The following CDKAL1 variants were observed in gnomAD, a reference collection of about 807,000 sequenced individuals.
CDKAL1 encodes CDKAL1 threonylcarbamoyladenosine tRNA methylthiotransferase.
In CDKAL1, 32 loss-of-function variants were observed where a neutral mutation model predicts 68.2. The ratio of observed to expected loss-of-function variants is 0.47; its 90% CI spans 0.35 to 0.63. The LOEUF (loss-of-function observed/expected upper bound fraction) is 0.63, where lower values mean the gene tolerates loss of function less well. Among genes scored for constraint, CDKAL1 ranks in the 30% least tolerant of loss-of-function variants. The pLI, the probability that CDKAL1 is intolerant of heterozygous loss-of-function variation, is 0.00. For missense variants in CDKAL1, 606 were observed against 696.7 expected, an observed-to-expected ratio of 0.87 and a Z score of 1.47; for synonymous variants, 234 against 244.3, an observed-to-expected ratio of 0.96 and a Z score of 0.39.
intron 13 of CDKAL1, among the ~76,000 whole-genome samples, chr6:21,143,169 A>G (rs1163482346): frequency 6.6e-6 from 1 of 152,216 alleles, no homozygotes; most frequent in African/African-American, 2.4e-5. Context: ...GTCATATTTC[A>G]CCTCTTAGAA....
chr6:21,031,730 A>G (rs1283667801), intron 11 of CDKAL1, among the ~76,000 whole-genome samples: 1 of 151,906 alleles, frequency 6.6e-6, no homozygotes, highest in Admixed American at 6.6e-5. Context: ...CTTTAGAGGT[A>G]CCCTTTACTT....
chr6:20,910,475 G>C (rs187136853), intron 9 of CDKAL1, among the ~76,000 whole-genome samples: 2 of 152,308 alleles, frequency 1.3e-5, no homozygotes, highest in East Asian at 1.9e-4. Flanking sequence ...TTCCTGTGGA[G>C]AAAATAGATT....
At chr6:21,214,565 C>T (rs1265500431) in intron 15 of CDKAL1, among the ~76,000 whole-genome samples, 1 of 151,862 alleles carries the variant, frequency 6.6e-6, no homozygotes, top group African/African-American at 2.4e-5. Context: ...CTTAGATGTC[C>T]CTGGTACATA....
chr6:20,969,434 GGAA>G (rs1765483348), intron 10 of CDKAL1, among the ~76,000 whole-genome samples: 1 of 152,132 alleles, frequency 6.6e-6, no homozygotes, highest in Non-Finnish European at 1.5e-5. Context: ...CTGAGGAGGA[GGAA>G]GAAGAGGAGC....
intron 13 of CDKAL1, among the ~76,000 whole-genome samples, chr6:21,140,133 A>G (rs1775823635): frequency 6.6e-6 from 1 of 152,230 alleles, no homozygotes; most frequent in South Asian, 2.1e-4. Context: ...TGAAACATGA[A>G]TGATACACTG....
chr6:20,579,840 G>T (rs1765069206), intron 4 of CDKAL1, among the ~76,000 whole-genome samples: 1 of 152,188 alleles, frequency 6.6e-6, no homozygotes, highest in South Asian at 2.1e-4. Flanking sequence ...TAGCAACTGG[G>T]ACTTTGATAA....
At chr6:20,982,451 G>C (rs907412682) in intron 10 of CDKAL1, among the ~76,000 whole-genome samples, 2 of 151,994 alleles carry the variant, frequency 1.3e-5, no homozygotes, top group African/African-American at 2.4e-5. Flanking sequence ...TCTTTAGCCA[G>C]GTTAACATAA....
At chr6:20,876,567 CT>C (rs1380454366) in intron 9 of CDKAL1, among the ~76,000 whole-genome samples, 4 of 152,022 alleles carry the variant, frequency 2.6e-5, no homozygotes, top group African/African-American at 7.3e-5. Context: ...TCTTTGTGTA[CT>C]TTTTTATTCC....
At chr6:21,072,816 A>G (rs1771864470) in intron 12 of CDKAL1, among the ~76,000 whole-genome samples, 1 of 152,052 alleles carries the variant, frequency 6.6e-6, no homozygotes, top group Non-Finnish European at 1.5e-5. Flanking sequence ...GTTACAATCA[A>G]CGAACCTACA....
At chr6:20,867,390 T>A (rs1217728483) in intron 9 of CDKAL1, among the ~76,000 whole-genome samples, 1 of 152,212 alleles carries the variant, frequency 6.6e-6, no homozygotes, top group Non-Finnish European at 1.5e-5. Flanking sequence ...TGATTTTTGG[T>A]CATTTTCTAA....
chr6:21,149,401 C>G (rs974124844), intron 13 of CDKAL1, among the ~76,000 whole-genome samples: 1 of 152,174 alleles, frequency 6.6e-6, no homozygotes, highest in African/African-American at 2.4e-5. Context: ...CCGCCTCGGC[C>G]TCCCAAAGTG....
intron 13 of CDKAL1, among the ~76,000 whole-genome samples, chr6:21,139,527 C>T (rs9460599): frequency 0.25 from 38,032 of 151,696 alleles, 4,818 homozygotes; most frequent in South Asian, 0.34. Context: ...GCCTTTTTTT[C>T]CCCTTGAAAC....
At chr6:21,194,939 T>C (rs1363558962) in intron 13 of CDKAL1, among the ~76,000 whole-genome samples, 2 of 152,212 alleles carry the variant, frequency 1.3e-5, no homozygotes, top group Non-Finnish European at 2.9e-5. Context: ...GCATTTATTA[T>C]TTTTTGTTTG....
intron 7 of CDKAL1, among the ~76,000 whole-genome samples, chr6:20,761,724 C>T (rs182436068): frequency 7.9e-5 from 12 of 152,174 alleles, no homozygotes; most frequent in Admixed American, 1.3e-4. Flanking sequence ...AGGTGAAATA[C>T]GGAAGGAGTA....
intron 9 of CDKAL1, among the ~76,000 whole-genome samples, chr6:20,916,937 T>A (rs943612391): frequency 6.6e-6 from 1 of 152,166 alleles, no homozygotes; most frequent in South Asian, 2.1e-4. Flanking sequence ...ATAATGTTGT[T>A]ACTGAAGTAT....
chr6:20,714,607 T>C (rs1262602952), intron 5 of CDKAL1, among the ~76,000 whole-genome samples: 1 of 151,990 alleles, frequency 6.6e-6, no homozygotes, highest in Non-Finnish European at 1.5e-5. Context: ...CCAAACTGTA[T>C]TATTGTCTAT....
At chr6:20,873,266 A>G (rs1007335114) in intron 9 of CDKAL1, among the ~76,000 whole-genome samples, 3 of 152,184 alleles carry the variant, frequency 2.0e-5, no homozygotes, top group Non-Finnish European at 4.4e-5. Flanking sequence ...CTTTAGTGTG[A>G]TAAGAATTAC....
chr6:21,226,735 T>C (rs1284038654), intron 15 of CDKAL1, among the ~76,000 whole-genome samples: 1 of 152,172 alleles, frequency 6.6e-6, no homozygotes, highest in Non-Finnish European at 1.5e-5. Flanking sequence ...GTTTTTGAGA[T>C]GGAGTCTCAC....
At chr6:20,788,714 C>T (rs949563841) in intron 8 of CDKAL1, among the ~76,000 whole-genome samples, 1 of 152,110 alleles carries the variant, frequency 6.6e-6, no homozygotes, top group African/African-American at 2.4e-5. Flanking sequence ...TCTACTCTAC[C>T]GTCATTCTCT....
Sources: allele counts gnomAD v4.1 joint callset (sites outside exome capture counted in the v4.1 genomes callset), GRCh38; gene constraint gnomAD v4.1.1; transcripts MANE v1.5; gene names NCBI Gene and HGNC (gene_info 2026-07-23, HGNC 2026-07-21).